Variants in RANBP2 observed in about 807,000 individuals in gnomAD.
RANBP2 encodes E3 SUMO-protein ligase RanBP2.
In RANBP2, 57 loss-of-function variants were observed where a neutral mutation model predicts 303.6. The ratio of observed to expected loss-of-function variants is 0.19; its 90% CI spans 0.15 to 0.23. The LOEUF (loss-of-function observed/expected upper bound fraction) is 0.23. Among genes scored for constraint, RANBP2 ranks in the 10% least tolerant of loss-of-function variants. The pLI is 1.00. For missense variants in RANBP2, 3,138 were observed against 3,780.8 expected, an observed-to-expected ratio of 0.83 and a Z score of 4.46; for synonymous variants, 1,167 against 1,301.5, an observed-to-expected ratio of 0.90 and a Z score of 2.23.
chr2:108,783,713 C>A lies in RANBP2; in HGVS notation c.9487C>A (p.Gln3163Lys), dbSNP rs1678418942. Residue 3163 changes from glutamine (Q) to lysine (K), a missense_variant, in exon 29 of 29, where the codon CAA becomes AAA. Gln to Lys is a moderately conservative substitution (Grantham distance 53). Around this residue, in one of 20 missense-constraint regions of RANBP2, gnomAD observed 204 missense variants for 228.4 expected, o/e 0.89. Transcript: ENST00000283195. ...TGPGLLSMAN[Q>K]GQNTNNSQFV... ...TCCTGGTTTACTATCCATGGCCAAT[C>A]AAGGCCAGAATACCAATAATTCTCA... is the stretch of plus-strand genomic sequence containing the variant. 6.2e-7 allele frequency: 1 copy of A among 1,611,800 alleles called. No homozygotes were observed. Among genetic ancestry groups the A allele is most frequent in the Non-Finnish European group, 8.5e-7 (1 of 1,177,972 alleles).
At chr2:109,087,290 T>C in the RANBP2 span, among the ~76,000 whole-genome samples, 1 of 151,936 alleles carries the variant, frequency 6.6e-6, no homozygotes, top group Non-Finnish European at 1.5e-5. Flanking sequence ...GCAAGGGAGG[T>C]GGACTCTCTC....
the RANBP2 span, among the ~76,000 whole-genome samples, chr2:109,602,082 C>G: frequency 2.6e-5 from 4 of 152,184 alleles, no homozygotes; most frequent in African/African-American, 9.7e-5. Flanking sequence ...GCACTGAGCT[C>G]AGACCCTGGA....
In RANBP2 at chr2:108,755,345, A is replaced by G. The variant is rs1188741743; in HGVS notation, c.2466+86A>G. The G allele has an allele frequency of 1.8e-5, 29 of 1,596,138 alleles. No individual in the cohort carries two copies. The Middle Eastern group carries it at 1.1e-3, about 63-fold the overall frequency. On this transcript the variant is annotated intron_variant, in intron 17 of 28. Transcript: ENST00000283195. ...TCTCACTTTTTTTCTGAAGCTGGTC[A>G]GAATGTCCCCTTGCCATCCAAATAG...
At chr2:109,129,414 C>T in the RANBP2 span, 1 of 1,453,428 alleles carries the variant, frequency 6.9e-7, no homozygotes. Context: ...CATCGGGCCA[C>T]CAGCCGGGGT....
chr2:109,640,307 C>A, the RANBP2 span, among the ~76,000 whole-genome samples: 1 of 151,942 alleles, frequency 6.6e-6, no homozygotes, highest in Non-Finnish European at 1.5e-5. Context: ...CAAGAAGTAG[C>A]CAGGCATGCT....
chr2:109,412,164 C>T, the RANBP2 span, among the ~76,000 whole-genome samples: 6 of 152,384 alleles, frequency 3.9e-5, no homozygotes, highest in East Asian at 1.9e-4. Context: ...CCGTGGTCCA[C>T]GATGCGTGTG....
chr2:109,033,914 C>T, the RANBP2 span, among the ~76,000 whole-genome samples: 1 of 147,738 alleles, frequency 6.8e-6, no homozygotes, highest in Non-Finnish European at 1.5e-5. Context: ...CGAGATTGCA[C>T]CACTGCACTT....
At chr2:109,307,076 G>A in the RANBP2 span, among the ~76,000 whole-genome samples, 1 of 152,066 alleles carries the variant, frequency 6.6e-6, no homozygotes, top group Non-Finnish European at 1.5e-5. Context: ...TTGATTCTTT[G>A]TGTAATCAAC....
At chr2:109,591,661 C>T in the RANBP2 span, among the ~76,000 whole-genome samples, 1 of 152,106 alleles carries the variant, frequency 6.6e-6, no homozygotes, top group Admixed American at 6.5e-5. Flanking sequence ...CTTTGGGAGG[C>T]GGAGGCAGAT....
chr2:109,345,917 C>G, the RANBP2 span, among the ~76,000 whole-genome samples: 5 of 152,160 alleles, frequency 3.3e-5, no homozygotes, highest in Admixed American at 6.5e-5. Context: ...GGTAGCACCC[C>G]ACCTTCCGGT....
the RANBP2 span, among the ~76,000 whole-genome samples, chr2:109,217,182 G>A: frequency 2.7e-4 from 41 of 152,280 alleles, no homozygotes; most frequent in African/African-American, 9.1e-4. Flanking sequence ...GTCTGCTCAT[G>A]GACACTTGGG....
intron 19 of RANBP2, 44 bp from the exon 20 acceptor site, chr2:108,763,192 GT>G: frequency 1.3e-6 from 2 of 1,594,336 alleles, no homozygotes; most frequent in East Asian, 2.2e-5. Context: ...GTTATCTGTA[GT>G]TTTGTAGACA....
intron 28 of RANBP2, among the ~76,000 whole-genome samples, chr2:108,783,119 G>A (rs1678369799): frequency 6.6e-6 from 1 of 151,810 alleles, no homozygotes; most frequent in South Asian, 2.1e-4. Flanking sequence ...CAGGCAGATT[G>A]CTTGAGCCCC....
chr2:109,361,823 G>T, the RANBP2 span, among the ~76,000 whole-genome samples: 3 of 152,116 alleles, frequency 2.0e-5, no homozygotes, highest in African/African-American at 7.2e-5. Context: ...GTCTTTTAAG[G>T]AATTGTTCCA....
chr2:109,083,912 A>T, the RANBP2 span, among the ~76,000 whole-genome samples: 3 of 151,200 alleles, frequency 2.0e-5, no homozygotes, highest in Non-Finnish European at 4.4e-5. Context: ...CCCAAACCCC[A>T]CCCGGTCCAG....
chr2:108,777,050 T>A (rs1425421412), intron 24 of RANBP2, 80 bp from the exon 25 acceptor site: 3 of 1,171,112 alleles, frequency 2.6e-6, no homozygotes, highest in Non-Finnish European at 3.6e-6. Flanking sequence ...AAGTCTCTAC[T>A]GTTCTCTCTA....
At chr2:109,573,794 T>A in the RANBP2 span, among the ~76,000 whole-genome samples, 1 of 152,222 alleles carries the variant, frequency 6.6e-6, no homozygotes, top group Admixed American at 6.5e-5. Context: ...TGAGTTAGTT[T>A]ATGAATTTTT....
Position 108,772,597 on chromosome 2 carries a change from A to G in RANBP2, c.8113+16A>G. On this transcript the variant is annotated intron_variant, in intron 22 of 28. Coordinates refer to ENST00000283195, the MANE Select transcript of RANBP2 (RefSeq NM_006267.5). The stretch of plus-strand genomic sequence containing the variant: ...AATACAGCAGGTATGTTAAGTGTAA[A>G]GGACATTTATAATGCTTTTAACAAG... 1.9e-6 allele frequency: 3 copies of G among 1,599,246 alleles called. No homozygotes were observed. The highest frequency in any genetic ancestry group is 4.5e-5 in the East Asian group (2 of 44,746).
At chr2:108,933,295 T>C in the RANBP2 span, among the ~76,000 whole-genome samples, 1 of 152,208 alleles carries the variant, frequency 6.6e-6, no homozygotes, top group African/African-American at 2.4e-5. Flanking sequence ...CTGGGGAACA[T>C]TCACTTTTTA....
Sources: allele counts gnomAD v4.1 joint callset (sites outside exome capture counted in the v4.1 genomes callset), GRCh38; gene constraint gnomAD v4.1.1; regional missense constraint gnomAD v4.1.1; transcripts MANE v1.5; gene names NCBI Gene and HGNC (gene_info 2026-07-23, HGNC 2026-07-21).